The following CNTN5 variants were observed in gnomAD, a reference collection of about 807,000 sequenced individuals.
CNTN5 encodes the protein contactin-5.
Under a neutral mutation model 129.1 loss-of-function variants are expected in CNTN5, and 77 were observed. That is an observed-to-expected ratio of 0.60 (90% CI 0.50 to 0.72). CNTN5 has a LOEUF of 0.72. Ranked by LOEUF, CNTN5 falls within the 30% of genes least tolerant of loss-of-function variation. The pLI, the probability that CNTN5 is intolerant of heterozygous loss-of-function variation, is 0.00. For synonymous variants in CNTN5, 509 were observed against 465.6 expected, an observed-to-expected ratio of 1.09 and a Z score of -1.20; for missense variants, 1,478 against 1,328.8, an observed-to-expected ratio of 1.11 and a Z score of -1.75.
At chr11:99,552,624 G>T (rs1381875715) in intron 2 of CNTN5, among the ~76,000 whole-genome samples, 1 of 152,118 alleles carries the variant, frequency 6.6e-6, no homozygotes, top group Admixed American at 6.6e-5. Flanking sequence ...AGAGGCCTAG[G>T]CAGAGGACAC....
intron 3 of CNTN5, among the ~76,000 whole-genome samples, chr11:99,650,629 G>C (rs567233684): frequency 6.6e-6 from 1 of 152,004 alleles, no homozygotes; most frequent in East Asian, 1.9e-4. Flanking sequence ...ACAACATTCA[G>C]TTGCTCTTCT....
chr11:99,775,219 C>G (rs1384121068), intron 3 of CNTN5, among the ~76,000 whole-genome samples: 1 of 152,040 alleles, frequency 6.6e-6, no homozygotes, highest in Non-Finnish European at 1.5e-5. Context: ...AGCGTAGTTT[C>G]CCATTTCCAA....
intron 1 of CNTN5, among the ~76,000 whole-genome samples, chr11:99,231,644 TTTAG>T (rs573240407): frequency 4.4e-3 from 665 of 152,356 alleles, no homozygotes; most frequent in Non-Finnish European, 6.4e-3. Context: ...GCAGAAGCTC[TTTAG>T]TTAAACTAGA....
At chr11:99,463,312 C>G (rs1944798996) in intron 2 of CNTN5, among the ~76,000 whole-genome samples, 1 of 150,284 alleles carries the variant, frequency 6.7e-6, no homozygotes, top group Non-Finnish European at 1.5e-5. Flanking sequence ...GTGGCGGGCG[C>G]CTGTAGTCCC....
chr11:99,816,710 A>G (rs749417720), intron 3 of CNTN5, among the ~76,000 whole-genome samples: 21 of 152,168 alleles, frequency 1.4e-4, no homozygotes, highest in Non-Finnish European at 2.6e-4. Flanking sequence ...TCTAGAACTT[A>G]CGTTGCTCTC....
At chr11:100,201,017 A>G (rs1948765969) in intron 15 of CNTN5, among the ~76,000 whole-genome samples, 1 of 152,024 alleles carries the variant, frequency 6.6e-6, no homozygotes, top group Non-Finnish European at 1.5e-5. Flanking sequence ...CAACAAAAAC[A>G]TGAATTTATC....
At chr11:100,186,616 G>C (rs575932231) in intron 13 of CNTN5, among the ~76,000 whole-genome samples, 16 of 152,182 alleles carry the variant, frequency 1.1e-4, no homozygotes, top group Middle Eastern at 3.4e-3. Flanking sequence ...TAGAGACCAG[G>C]ACATAAGTGT....
intron 9 of CNTN5, among the ~76,000 whole-genome samples, chr11:100,052,457 C>A (rs74679703): frequency 1.3e-5 from 2 of 151,662 alleles, no homozygotes; most frequent in Non-Finnish European, 3.0e-5. Context: ...TTTCAAGAAT[C>A]TACAACAAAA....
chr11:99,806,447 T>C (rs1227513524), intron 3 of CNTN5, among the ~76,000 whole-genome samples: 1 of 152,132 alleles, frequency 6.6e-6, no homozygotes, highest in African/African-American at 2.4e-5. Context: ...TGTGTGTGTA[T>C]TGTCTTTAGA....
chr11:99,951,567 T>A (rs571343455), intron 7 of CNTN5, among the ~76,000 whole-genome samples: 1 of 152,294 alleles, frequency 6.6e-6, no homozygotes, highest in South Asian at 2.1e-4. Context: ...TAACCTCTGA[T>A]AGGGATTGGA....
At chr11:99,212,291 C>T (rs2135672766) in intron 1 of CNTN5, among the ~76,000 whole-genome samples, 1 of 152,286 alleles carries the variant, frequency 6.6e-6, no homozygotes, top group East Asian at 1.9e-4. Context: ...CTAAGCTATA[C>T]CAATCTCCCC....
chr11:99,938,202 C>G (rs1950357644), intron 7 of CNTN5, among the ~76,000 whole-genome samples: 1 of 152,104 alleles, frequency 6.6e-6, no homozygotes, highest in Non-Finnish European at 1.5e-5. Context: ...ACTCCCTATG[C>G]TTGGAAAGTC....
chr11:99,253,852 C>CATATAGACAA (rs1862238857), intron 1 of CNTN5, among the ~76,000 whole-genome samples: 1 of 148,868 alleles, frequency 6.7e-6, no homozygotes, highest in African/African-American at 2.5e-5. Flanking sequence ...ATCTATGGAT[C>CATATAGACAA]CTTCCCTGTT....
At chr11:99,857,622 A>G (rs1167957279) in intron 6 of CNTN5, among the ~76,000 whole-genome samples, 1 of 152,174 alleles carries the variant, frequency 6.6e-6, no homozygotes, top group East Asian at 1.9e-4. Context: ...ATTTTAATGC[A>G]GTAATAATAT....
intron 1 of CNTN5, among the ~76,000 whole-genome samples, chr11:99,251,153 T>C (rs1862080698): frequency 6.6e-6 from 1 of 151,960 alleles, no homozygotes; most frequent in Non-Finnish European, 1.5e-5. Context: ...CTCTGCATAT[T>C]GGAAACAAAA....
chr11:99,715,518 A>G (rs1955181025), intron 3 of CNTN5, among the ~76,000 whole-genome samples: 1 of 151,822 alleles, frequency 6.6e-6, no homozygotes, highest in South Asian at 2.1e-4. Context: ...GAATGAGAGG[A>G]AGAACAGGAA....
chr11:99,824,283 A>G (rs1490256845), intron 4 of CNTN5, among the ~76,000 whole-genome samples: 1 of 152,048 alleles, frequency 6.6e-6, no homozygotes, highest in Non-Finnish European at 1.5e-5. Context: ...CATTGTCACC[A>G]ACATAAAATT....
chr11:99,216,994 C>T (rs920972041), intron 1 of CNTN5, among the ~76,000 whole-genome samples: 1 of 152,104 alleles, frequency 6.6e-6, no homozygotes, highest in Admixed American at 6.6e-5. Context: ...ACCATCCTGA[C>T]CAACATGGTG....
intron 4 of CNTN5, among the ~76,000 whole-genome samples, chr11:99,841,166 T>C (rs1947476974): frequency 6.6e-6 from 1 of 152,188 alleles, no homozygotes; most frequent in South Asian, 2.1e-4. Flanking sequence ...ACAAAATAAA[T>C]GATGGAGTCA....
Sources: allele counts gnomAD v4.1 joint callset (sites outside exome capture counted in the v4.1 genomes callset), GRCh38; gene constraint gnomAD v4.1.1; transcripts MANE v1.5; gene names NCBI Gene and HGNC (gene_info 2026-07-23, HGNC 2026-07-21).